PHKA2: variants seen among roughly 807,000 people sequenced by gnomAD.
The protein encoded by PHKA2 is phosphorylase kinase regulatory subunit alpha 2, also known as phosphorylase b kinase regulatory subunit alpha, liver isoform.
A neutral mutation model predicts 102.0 loss-of-function variants in PHKA2; 31 were observed. That is an observed-to-expected ratio of 0.30 (90% CI 0.23 to 0.41). The LOEUF (loss-of-function observed/expected upper bound fraction) is 0.41, where lower values mean the gene tolerates loss of function less well. Among genes scored for constraint, PHKA2 ranks in the 10% least tolerant of loss-of-function variants. The pLI is 1.00. For synonymous variants in PHKA2, 455 were observed against 416.2 expected, an observed-to-expected ratio of 1.09 and a Z score of -1.13; for missense variants, 858 against 1,023.1, an observed-to-expected ratio of 0.84 and a Z score of 2.20.
intron 1 of PHKA2, among the ~76,000 whole-genome samples, chrX:18,977,478 A>T (rs1346357079): frequency 9.0e-6 from 1 of 111,471 alleles, no homozygotes; most frequent in Non-Finnish European, 1.9e-5. Flanking sequence ...ATCTAACAGT[A>T]TCTGAGAGAG....
At chrX:18,912,477 AT>A (rs2047943153) in intron 19 of PHKA2, among the ~76,000 whole-genome samples, 1 of 111,131 alleles carries the variant, frequency 9.0e-6, no homozygotes, top group African/African-American at 3.3e-5. Flanking sequence ...TGGTAGAAAG[AT>A]GGTATAGGCC....
intron 26 of PHKA2, 137 bp downstream of exon 26, chrX:18,905,621 C>T: frequency 1.8e-6 from 1 of 551,251 alleles, no homozygotes; most frequent in East Asian, 3.3e-5. Context: ...GAAGCTTGAG[C>T]CTAGGACTCT....
At chrX:18,963,285 T>C (rs754032516) in intron 1 of PHKA2, among the ~76,000 whole-genome samples, 10 of 112,305 alleles carry the variant, frequency 8.9e-5, no homozygotes, top group East Asian at 2.8e-4. Context: ...ACAACCCAAG[T>C]TGGACCACCT....
intron 11 of PHKA2, among the ~76,000 whole-genome samples, 199 bp from the exon 12 acceptor site, chrX:18,931,947 G>A (rs1295088563): frequency 8.9e-6 from 1 of 112,225 alleles, no homozygotes. Flanking sequence ...AAGTCAAATC[G>A]CGGCCTGGTT....
rs374894830 is a variant in PHKA2, at chrX:18,945,209, G to A, written c.538-51C>T. On this transcript the variant is annotated intron_variant, in intron 5 of 32. Coordinates refer to ENST00000379942, the MANE Select transcript of PHKA2 (RefSeq NM_000292.3). Reference sequence around the variant, plus strand: ...GAGGGGAGAAAGAGGTATATAAGAAGTGCTATGGGAAAAATGCTTCCTTTA... The same window carrying A: ...GAGGGGAGAAAGAGGTATATAAGAAATGCTATGGGAAAAATGCTTCCTTTA... 1.0e-5 allele frequency: 8 copies of A among 782,170 alleles called. No homozygotes were observed. The African/African-American group carries it at 1.6e-4, about 16-fold the overall frequency. 64.5% of individuals were successfully genotyped at this position (782,170 alleles called of 1,213,427 possible). A position where few individuals can be genotyped will look rare whatever the true frequency, so the allele number is the denominator to read the frequency against.
In PHKA2 at chrX:18,907,040, G is replaced by T. The variant is rs917303610; in HGVS notation, c.2575C>A (p.Pro859Thr). The T allele has an allele frequency of 1.7e-6, 2 of 1,196,250 alleles. No individual in the cohort carries two copies. The highest frequency in any genetic ancestry group is 6.0e-5 in the East Asian group (2 of 33,161). ...KQLTVGLPPE[P>T]REKIISAPLP... ...TACGCAGAGATGATCTTCTCCCGGG[G>T]CTCGGGCGGCAGGCCCACGGTGAGC... Residue 859 changes from proline to threonine, a missense_variant, in exon 23 of 33, where the codon CCC becomes ACC. Coordinates refer to ENST00000379942, the MANE Select transcript of PHKA2 (RefSeq NM_000292.3).
intron 20 of PHKA2, among the ~76,000 whole-genome samples, chrX:18,910,121 A>AT (rs1245258223): frequency 8.9e-6 from 1 of 111,996 alleles, no homozygotes; most frequent in African/African-American, 3.3e-5. Context: ...TATTTTTAAA[A>AT]TTTTTTTATG....
intron 11 of PHKA2, among the ~76,000 whole-genome samples, chrX:18,935,532 T>A (rs1226274365): frequency 1.8e-5 from 2 of 111,493 alleles, no homozygotes; most frequent in Admixed American, 1.9e-4. Flanking sequence ...CTCCCCAGGA[T>A]ACCCATGGTC....
At chrX:18,894,599 A>C in intron 31 of PHKA2, 195 bp from the exon 32 acceptor site, 1 of 473,852 alleles carries the variant, frequency 2.1e-6, no homozygotes, top group South Asian at 3.0e-5. Flanking sequence ...TGCCTCCAGG[A>C]GCCAGCCTGT....
Position 18,951,435 on chromosome X carries a change from C to T in PHKA2, c.286-163G>A, listed in dbSNP as rs191165221. On this transcript the variant is annotated intron_variant, in intron 3 of 32. Coordinates refer to ENST00000379942, the MANE Select transcript of PHKA2 (RefSeq NM_000292.3). The stretch of plus-strand genomic sequence containing the variant: ...GGCAGCACCGCACAGAGGGACTGTG[C>T]TGGGGATTCTTTTCGCCCACTTGCC... Among the ~76,000 whole-genome samples the T allele has an allele frequency of 8.0e-3, 895 of 112,029 alleles. 4 individuals carry two copies. Among genetic ancestry groups the T allele is most frequent in the South Asian group, 0.021 (57 of 2,692 alleles).
rs368415466 is a variant in PHKA2, at chrX:18,907,041, C to A, written c.2574G>T (p.Glu858Asp). The A allele has an allele frequency of 8.4e-7, 1 of 1,196,942 alleles. No homozygotes were observed. Among genetic ancestry groups the A allele is most frequent in the South Asian group, 1.8e-5 (1 of 54,749 alleles). Residue 858 changes from glutamate to aspartate, a missense_variant, in exon 23 of 33, where the codon GAG becomes GAT. Physicochemically the swap from Glu to Asp is conservative, Grantham distance 45. Transcript: ENST00000379942. ...ACGCAGAGATGATCTTCTCCCGGGG[C>A]TCGGGCGGCAGGCCCACGGTGAGCT... ...QKQLTVGLPP[E>D]PREKIISAPL...
intron 13 of PHKA2, 126 bp downstream of exon 13, chrX:18,929,102 G>T: frequency 3.9e-6 from 2 of 511,335 alleles, no homozygotes; most frequent in South Asian, 2.8e-5. Flanking sequence ...TCACACAACT[G>T]CTACATGCTA....
At chrX:18,943,286 T>C (rs1183191201) in intron 7 of PHKA2, among the ~76,000 whole-genome samples, 1 of 111,781 alleles carries the variant, frequency 8.9e-6, no homozygotes. Context: ...TCATTTCTTC[T>C]CCACTACCTA....
At chrX:18,901,217 G>A (rs1381757679) in intron 27 of PHKA2, among the ~76,000 whole-genome samples, 1 of 110,961 alleles carries the variant, frequency 9.0e-6, no homozygotes, top group Non-Finnish European at 1.9e-5. Context: ...TGGTTCTCGG[G>A]AACAGAGGCA....
chrX:18,963,806 C>T (rs1031044418), intron 1 of PHKA2, among the ~76,000 whole-genome samples: 8 of 111,820 alleles, frequency 7.2e-5, no homozygotes, highest in East Asian at 2.8e-4. Context: ...TCTAGCTGGA[C>T]GGCACAGAGA....
At chrX:18,944,075 A>G (rs753909296) in intron 6 of PHKA2, among the ~76,000 whole-genome samples, 1 of 110,736 alleles carries the variant, frequency 9.0e-6, no homozygotes, top group Non-Finnish European at 1.9e-5. Flanking sequence ...TCGGCCTCCC[A>G]AAGTGCTGGG....
intron 26 of PHKA2, among the ~76,000 whole-genome samples, chrX:18,903,851 C>T (rs1384127682): frequency 1.8e-5 from 2 of 112,218 alleles, no homozygotes; most frequent in East Asian, 5.6e-4. Context: ...TCACTGCCCA[C>T]TCCAAAGCCT....
intron 1 of PHKA2, among the ~76,000 whole-genome samples, chrX:18,963,609 T>C (rs2048899406): frequency 8.9e-6 from 1 of 112,075 alleles, no homozygotes; most frequent in Non-Finnish European, 1.9e-5. Context: ...TGAGTTTCTG[T>C]CATTTACAAC....
intron 1 of PHKA2, among the ~76,000 whole-genome samples, chrX:18,970,395 T>C (rs2049004472): frequency 8.9e-6 from 1 of 112,373 alleles, no homozygotes; most frequent in Non-Finnish European, 1.9e-5. Flanking sequence ...AAGAATGCAA[T>C]ATATTGTTAT....
Sources: allele counts gnomAD v4.1 joint callset (sites outside exome capture counted in the v4.1 genomes callset), GRCh38; gene constraint gnomAD v4.1.1; transcripts MANE v1.5; gene names NCBI Gene and HGNC (gene_info 2026-07-23, HGNC 2026-07-21).